The following GPC6 variants were observed in gnomAD, a reference collection of about 807,000 sequenced individuals.
GPC6 encodes the protein glypican 6.
A neutral mutation model predicts 55.2 loss-of-function variants in GPC6; 14 were observed. That is an observed-to-expected ratio of 0.25 (90% CI 0.17 to 0.40). GPC6 has a LOEUF of 0.40. Among genes scored for constraint, GPC6 ranks in the 10% least tolerant of loss-of-function variants. The probability of loss-of-function intolerance (pLI) is 1.00; values close to 1 mark genes in which losing one functional copy is unlikely to be tolerated. For synonymous variants in GPC6, 278 were observed against 259.6 expected, an observed-to-expected ratio of 1.07 and a Z score of -0.68; for missense variants, 641 against 708.5, an observed-to-expected ratio of 0.90 and a Z score of 1.08.
intron 4 of GPC6, among the ~76,000 whole-genome samples, chr13:94,079,317 A>G (rs1183476214): frequency 6.6e-6 from 1 of 152,138 alleles, no homozygotes; most frequent in Non-Finnish European, 1.5e-5. Flanking sequence ...AGAACTGCCA[A>G]TTAAATTCTG....
chr13:93,487,250 G>A (rs1879757464), intron 1 of GPC6, among the ~76,000 whole-genome samples: 1 of 151,934 alleles, frequency 6.6e-6, no homozygotes, highest in Admixed American at 6.6e-5. Context: ...TTTAAGTTCA[G>A]GGATATATGT....
chr13:94,160,276 A>G (rs895626328), intron 4 of GPC6, among the ~76,000 whole-genome samples: 1 of 152,328 alleles, frequency 6.6e-6, no homozygotes, highest in African/African-American at 2.4e-5. Context: ...TGTAGTATAC[A>G]TAGGGTTTGG....
At chr13:93,483,321 G>T (rs1879586105) in intron 1 of GPC6, among the ~76,000 whole-genome samples, 1 of 151,970 alleles carries the variant, frequency 6.6e-6, no homozygotes, top group African/African-American at 2.4e-5. Flanking sequence ...TAACTGATAT[G>T]ATTACTATTG....
intron 2 of GPC6, among the ~76,000 whole-genome samples, chr13:93,602,152 A>G (rs1019362240): frequency 6.6e-6 from 1 of 152,216 alleles, no homozygotes; most frequent in Non-Finnish European, 1.5e-5. Flanking sequence ...CTTTCAAATC[A>G]TGATTATACT....
intron 2 of GPC6, among the ~76,000 whole-genome samples, chr13:93,789,001 A>G (rs536076061): frequency 6.6e-6 from 1 of 152,172 alleles, no homozygotes; most frequent in Admixed American, 6.5e-5. Context: ...AAGTATTGAG[A>G]TTCAGGTTTT....
At chr13:94,145,561 G>GAA (rs5805851) in intron 4 of GPC6, among the ~76,000 whole-genome samples, 6 of 151,640 alleles carry the variant, frequency 4.0e-5, no homozygotes, top group Middle Eastern at 3.4e-3. Flanking sequence ...AGTTGAAAAA[G>GAA]AAAAAAAATG....
At chr13:94,104,042 T>C (rs1885965636) in intron 4 of GPC6, among the ~76,000 whole-genome samples, 1 of 152,214 alleles carries the variant, frequency 6.6e-6, no homozygotes, top group African/African-American at 2.4e-5. Context: ...CTTTAATCCA[T>C]CTTGAATTAA....
At chr13:93,444,425 G>A (rs929406365) in intron 1 of GPC6, among the ~76,000 whole-genome samples, 17 of 152,072 alleles carry the variant, frequency 1.1e-4, no homozygotes, top group African/African-American at 3.6e-4. Context: ...TGCCTAATAC[G>A]GTGAAACTTC....
chr13:93,495,232 C>A (rs1880214670), intron 1 of GPC6, among the ~76,000 whole-genome samples: 1 of 144,060 alleles, frequency 6.9e-6, no homozygotes, highest in East Asian at 2.2e-4. Context: ...TCTTTTTATT[C>A]TTTTTTCTCT....
intron 1 of GPC6, among the ~76,000 whole-genome samples, chr13:93,513,175 T>A (rs7337099): frequency 0.83 from 126,910 of 152,098 alleles, 54,009 homozygotes; most frequent in Non-Finnish European, 0.92. Context: ...CAAGCGGGAG[T>A]AAGATGAACA....
intron 2 of GPC6, among the ~76,000 whole-genome samples, chr13:93,699,642 G>T (rs776373743): frequency 6.6e-6 from 1 of 152,024 alleles, no homozygotes; most frequent in Non-Finnish European, 1.5e-5. Context: ...TTCCTCAAAA[G>T]TCTTTTTACT....
At position 94,308,995 on chromosome 13, in the gene GPC6, G is replaced by A. The variant is rs532838746; in HGVS notation, c.1152+2872G>A. On this transcript the variant is annotated intron_variant, in intron 6 of 8. Transcript: ENST00000377047. ...CTCATCTTTAAGAAGGATGCACTGCGAAACTATCCAGATGGGCCTGTCATC... is the reference window on the plus strand; with the variant it reads ...CTCATCTTTAAGAAGGATGCACTGCAAAACTATCCAGATGGGCCTGTCATC... Among the ~76,000 whole-genome samples, 7 of 152,298 alleles carry A rather than the reference G, an allele frequency of 4.6e-5. No individual in the cohort carries two copies. The South Asian group carries it at 6.2e-4, about 14-fold the overall frequency.
intron 1 of GPC6, among the ~76,000 whole-genome samples, chr13:93,339,886 T>C (rs1880181029): frequency 6.6e-6 from 1 of 152,130 alleles, no homozygotes; most frequent in South Asian, 2.1e-4. Flanking sequence ...AATGGATAAA[T>C]GAGTCATCGT....
chr13:94,066,372 A>T (rs1235409148), intron 4 of GPC6, among the ~76,000 whole-genome samples: 2 of 152,152 alleles, frequency 1.3e-5, no homozygotes, highest in Admixed American at 1.3e-4. Flanking sequence ...TACTTTCTCT[A>T]CTGTAAATAT....
chr13:94,191,623 T>A (rs533451324), intron 4 of GPC6, among the ~76,000 whole-genome samples: 8 of 146,410 alleles, frequency 5.5e-5, no homozygotes, highest in African/African-American at 1.0e-4. Flanking sequence ...AAAAAAAAAA[T>A]AATAGTAGAG....
intron 2 of GPC6, among the ~76,000 whole-genome samples, chr13:93,669,615 C>T (rs989458392): frequency 2.0e-5 from 3 of 152,062 alleles, no homozygotes; most frequent in Non-Finnish European, 4.4e-5. Context: ...TGGATGGTAA[C>T]AGTTGAGTTT....
intron 6 of GPC6, among the ~76,000 whole-genome samples, chr13:94,374,605 A>C (rs890727580): frequency 6.7e-6 from 1 of 149,428 alleles, no homozygotes; most frequent in African/African-American, 2.5e-5. Flanking sequence ...CCCACACATT[A>C]ATAATGGGAG....
intron 4 of GPC6, among the ~76,000 whole-genome samples, chr13:94,243,070 C>T (rs898751969): frequency 6.6e-6 from 1 of 152,078 alleles, no homozygotes; most frequent in African/African-American, 2.4e-5. Flanking sequence ...AGTGCCATGG[C>T]TATTAATGAT....
intron 4 of GPC6, among the ~76,000 whole-genome samples, chr13:94,054,384 C>T (rs1352979078): frequency 2.6e-5 from 4 of 152,140 alleles, no homozygotes; most frequent in South Asian, 2.1e-4. Flanking sequence ...TGGAGTCGCC[C>T]GGAGGGCCTG....
Sources: allele counts gnomAD v4.1 joint callset (sites outside exome capture counted in the v4.1 genomes callset), GRCh38; gene constraint gnomAD v4.1.1; transcripts MANE v1.5; gene names NCBI Gene and HGNC (gene_info 2026-07-23, HGNC 2026-07-21).